RBFOX3: variants seen among roughly 807,000 people sequenced by gnomAD.
The protein encoded by RBFOX3 is RNA binding fox-1 homolog 3, also known as RNA binding protein fox-1 homolog 3.
In RBFOX3, 17 loss-of-function variants were observed where a neutral mutation model predicts 48.7. The observed-to-expected ratio is 0.35, with a 90% CI of 0.24 to 0.52. RBFOX3 has a LOEUF of 0.52. Ranked by LOEUF, RBFOX3 falls within the 20% of genes least tolerant of loss-of-function variation. RBFOX3 has a pLI of 0.94. For synonymous variants in RBFOX3, 212 were observed against 209.5 expected, an observed-to-expected ratio of 1.01 and a Z score of -0.10; for missense variants, 382 against 497.5, an observed-to-expected ratio of 0.77 and a Z score of 2.21.
chr17:79,496,305 GC>G (rs1456357493), intron 1 of RBFOX3, among the ~76,000 whole-genome samples: 1 of 152,010 alleles, frequency 6.6e-6, no homozygotes, highest in African/African-American at 2.4e-5. Context: ...CCCCCACCTG[GC>G]CCTGAGACCT....
intron 2 of RBFOX3, among the ~76,000 whole-genome samples, chr17:79,415,406 A>AG (rs2065177371): frequency 6.6e-6 from 1 of 152,152 alleles, no homozygotes; most frequent in Admixed American, 6.5e-5. Flanking sequence ...CCCAGGGAGA[A>AG]GGGGGCACTG....
At chr17:79,499,077 TACTC>T (rs782632095) in intron 1 of RBFOX3, among the ~76,000 whole-genome samples, 95 of 148,202 alleles carry the variant, frequency 6.4e-4, no homozygotes, top group Non-Finnish European at 1.2e-3. Flanking sequence ...CCCATCCATG[TACTC>T]ACTCATCCAT....
intron 4 of RBFOX3, among the ~76,000 whole-genome samples, chr17:79,119,390 C>T (rs2703538): frequency 0.16 from 23,930 of 152,200 alleles, 2,145 homozygotes; most frequent in Middle Eastern, 0.23. Context: ...GCTAATAAAA[C>T]CGAGGTGTAG....
chr17:79,547,802 C>G (rs1414771159), intron 1 of RBFOX3, among the ~76,000 whole-genome samples: 1 of 152,048 alleles, frequency 6.6e-6, no homozygotes, highest in African/African-American at 2.4e-5. Flanking sequence ...TCTCCCTGGA[C>G]AAGGCTTGGG....
At chr17:79,238,739 C>T (rs892507648) in intron 3 of RBFOX3, among the ~76,000 whole-genome samples, 1 of 148,916 alleles carries the variant, frequency 6.7e-6, no homozygotes, top group Non-Finnish European at 1.5e-5. Context: ...GTACGAGTGT[C>T]TTTATTTAGT....
chr17:79,332,440 G>T (rs1168468814), intron 2 of RBFOX3, among the ~76,000 whole-genome samples: 7 of 152,170 alleles, frequency 4.6e-5, no homozygotes, highest in Non-Finnish European at 8.8e-5. Flanking sequence ...AGAGGAGGCA[G>T]GCTCTGGGGT....
intron 4 of RBFOX3, among the ~76,000 whole-genome samples, chr17:79,159,827 G>C (rs1430487212): frequency 6.6e-6 from 1 of 152,188 alleles, no homozygotes; most frequent in Non-Finnish European, 1.5e-5. Flanking sequence ...CAGCTGCTGA[G>C]GAGGGTGAGG....
chr17:79,484,484 G>A (rs1458375574), intron 1 of RBFOX3, among the ~76,000 whole-genome samples: 1 of 114,478 alleles, frequency 8.7e-6, no homozygotes, highest in African/African-American at 3.3e-5. Context: ...CAGGGGGCCT[G>A]GGTGCAGGGG....
intron 3 of RBFOX3, among the ~76,000 whole-genome samples, chr17:79,274,081 A>G (rs1049737239): frequency 6.6e-6 from 1 of 152,170 alleles, no homozygotes. Flanking sequence ...GACCCCATGC[A>G]TACAGCTGGC....
intron 2 of RBFOX3, among the ~76,000 whole-genome samples, chr17:79,420,128 T>TACACACACACACACACACACACACAC (rs58282867): frequency 3.5e-5 from 4 of 114,272 alleles, no homozygotes; most frequent in African/African-American, 1.4e-4. Context: ...CTCCGTCTCA[T>TACACACACACACACACACACACACAC]ACACACACAC....
At chr17:79,413,789 G>A (rs894057881) in intron 2 of RBFOX3, among the ~76,000 whole-genome samples, 2 of 152,236 alleles carry the variant, frequency 1.3e-5, no homozygotes, top group Non-Finnish European at 1.5e-5. Flanking sequence ...ATCCTTCTGC[G>A]GCCTGGCCAG....
the RBFOX3 span, among the ~76,000 whole-genome samples, chr17:79,659,348 C>G: frequency 0.034 from 5,147 of 152,166 alleles, 304 homozygotes; most frequent in African/African-American, 0.12. Flanking sequence ...CTGGGTCAAG[C>G]GGCCTGTTGT....
At chr17:79,178,586 A>G (rs9910975) in intron 4 of RBFOX3, among the ~76,000 whole-genome samples, 109,830 of 152,158 alleles carry the variant, frequency 0.72, 40,858 homozygotes, top group African/African-American at 0.91. Context: ...AACTGAAAAC[A>G]TGCATGTCCA....
chr17:79,090,768 G>C lies in RBFOX3; in HGVS notation c.*115C>G. On this transcript the variant is annotated 3_prime_UTR_variant, in exon 15 of 15. Coordinates refer to ENST00000693108, the MANE Select transcript of RBFOX3 (RefSeq NM_001350451.2). ...TGGTTGGATGCCTCTTGGTTTGGTT[G>C]GTTTTTTTTTTGTTGCTTGGATCTT... 2.3e-6 allele frequency: 3 copies of C among 1,280,072 alleles called. No homozygotes were observed. Among genetic ancestry groups the C allele is most frequent in the Non-Finnish European group, 3.2e-6 (3 of 944,392 alleles). The allele number at this position is 1,280,072 out of a possible 1,614,324, so 79.3% of individuals were successfully genotyped here. A position where few individuals can be genotyped will look rare whatever the true frequency, so the allele number is the denominator to read the frequency against.
At chr17:79,483,140 T>G (rs1277098551) in intron 1 of RBFOX3, among the ~76,000 whole-genome samples, 6 of 152,074 alleles carry the variant, frequency 3.9e-5, no homozygotes, top group African/African-American at 1.5e-4. Flanking sequence ...TTAAAGTTGC[T>G]TCAGTGGCCT....
intron 1 of RBFOX3, among the ~76,000 whole-genome samples, chr17:79,587,990 C>T (rs2093306859): frequency 6.6e-6 from 1 of 152,206 alleles, no homozygotes; most frequent in Admixed American, 6.5e-5. Flanking sequence ...GGCATGCCAC[C>T]ATGCCTGGCT....
At chr17:79,219,614 G>GCT (rs2059468729) in intron 4 of RBFOX3, among the ~76,000 whole-genome samples, 1 of 152,084 alleles carries the variant, frequency 6.6e-6, no homozygotes, top group Admixed American at 6.5e-5. Flanking sequence ...AGGCACAGGG[G>GCT]CTCGCAGAGG....
intron 3 of RBFOX3, among the ~76,000 whole-genome samples, chr17:79,284,275 T>A (rs1244390101): frequency 1.3e-5 from 2 of 152,100 alleles, no homozygotes; most frequent in African/African-American, 4.8e-5. Flanking sequence ...AGAGAATTAT[T>A]TATGAAGTCT....
chr17:79,257,275 T>A (rs1364334733), intron 3 of RBFOX3, among the ~76,000 whole-genome samples: 3 of 152,202 alleles, frequency 2.0e-5, no homozygotes, highest in Non-Finnish European at 1.5e-5. Flanking sequence ...TTTGTGCGGT[T>A]CCAGAGACAC....
Sources: gnomAD v4.1 joint callset for allele counts (sites outside exome capture counted in the v4.1 genomes callset) on GRCh38, gnomAD v4.1.1 for gene constraint, MANE v1.5 for transcripts, NCBI Gene and HGNC (gene_info 2026-07-23, HGNC 2026-07-21) for gene names.